Variants in GTPBP2 observed in about 807,000 individuals in gnomAD.
GTPBP2 encodes GTP binding protein 2, also known as GTP-binding protein 2.
In GTPBP2, 32 loss-of-function variants were observed where a neutral mutation model predicts 63.0. The ratio of observed to expected loss-of-function variants is 0.51; its 90% CI spans 0.38 to 0.68. The LOEUF (loss-of-function observed/expected upper bound fraction) is 0.68. Among genes scored for constraint, GTPBP2 ranks in the 30% least tolerant of loss-of-function variants. The probability of loss-of-function intolerance (pLI) is 0.00; values close to 1 mark genes in which losing one functional copy is unlikely to be tolerated. For synonymous variants in GTPBP2, 310 were observed against 322.6 expected, an observed-to-expected ratio of 0.96 and a Z score of 0.42; for missense variants, 492 against 796.9, an observed-to-expected ratio of 0.62 and a Z score of 4.61.
Position 43,622,249 on chromosome 6 carries a change from A to G in GTPBP2, c.1468-82T>C. 6.7e-6 allele frequency: 8 copies of G among 1,186,254 alleles called. No homozygotes were observed. The South Asian group carries it at 1.1e-4, about 17-fold the overall frequency. 73.5% of individuals were successfully genotyped at this position (1,186,254 alleles called of 1,614,324 possible). A position where few individuals can be genotyped will look rare whatever the true frequency, so the allele number is the denominator to read the frequency against. Reference sequence around the variant, plus strand: ...TCCCCAGCCACCCCACACCCTTTATAGCTCCTGAATTTCCTCTTCCTCTAC... The same window carrying G: ...TCCCCAGCCACCCCACACCCTTTATGGCTCCTGAATTTCCTCTTCCTCTAC... On this transcript the variant is annotated intron_variant, in intron 10 of 11. Coordinates refer to ENST00000307126, the MANE Select transcript of GTPBP2 (RefSeq NM_019096.5). The surrounding 1 kb of genome is among the most constrained non-coding windows in gnomAD (Gnocchi z 5.4).
Position 43,625,268 on chromosome 6 carries a change from A to G in GTPBP2, c.705+95T>C. ...CAGGGCATTCATCTATACTATTTCAAAAAGTCTCCACACTCTACCCCCATC... is the reference window on the plus strand; with the variant it reads ...CAGGGCATTCATCTATACTATTTCAGAAAGTCTCCACACTCTACCCCCATC... On this transcript the variant is annotated intron_variant, in intron 5 of 11. Coordinates refer to ENST00000307126, the MANE Select transcript of GTPBP2 (RefSeq NM_019096.5). The surrounding 1 kb of genome is among the most constrained non-coding windows in gnomAD (Gnocchi z 5.1). 1 of 1,254,002 alleles carries G rather than the reference A, an allele frequency of 8.0e-7. No individual in the cohort carries two copies. The highest frequency in any genetic ancestry group is 1.3e-5 in the South Asian group (1 of 79,408). 77.7% of individuals were successfully genotyped at this position (1,254,002 alleles called of 1,614,324 possible).
Position 43,626,488 on chromosome 6 carries a change from G to C in GTPBP2, c.214-78C>G, listed in dbSNP as rs1769352262. The stretch of plus-strand genomic sequence containing the variant: ...CTACATGGTCCCCACCTGTTCTGCT[G>C]CAAGGACCAGGACTTTCTCTTTCCA... On this transcript the variant is annotated intron_variant, in intron 2 of 11. Coordinates refer to ENST00000307126, the MANE Select transcript of GTPBP2 (RefSeq NM_019096.5). This position sits in a 1 kb window ranked among gnomAD's most constrained non-coding sequence, Gnocchi z 4.0. 1.8e-6 allele frequency: 2 copies of C among 1,140,770 alleles called. No individual in the cohort carries two copies. The highest frequency in any genetic ancestry group is 1.9e-5 in the Admixed American group (1 of 51,904). The allele number at this position is 1,140,770 out of a possible 1,614,324, so 70.7% of individuals were successfully genotyped here.
intron 9 of GTPBP2, 102 bp downstream of exon 9, chr6:43,623,632 TTAA>T (rs1769009129): frequency 2.4e-6 from 2 of 847,196 alleles, no homozygotes; most frequent in African/African-American, 3.3e-5. Context: ...AGCATGTCCT[TTAA>T]ATGGGTTCCG....
At chr6:43,628,576 T>A in intron 1 of GTPBP2, 1 of 958,206 alleles carries the variant, frequency 1.0e-6, no homozygotes, top group Non-Finnish European at 1.2e-6. Context: ...TTTTCCCGGG[T>A]ACTCCCCTTC....
In GTPBP2 at chr6:43,629,039, T is replaced by C; in HGVS notation, c.124A>G (p.Lys42Glu). 6.2e-7 allele frequency: 1 copy of C among 1,612,874 alleles called. No homozygotes were observed. Among genetic ancestry groups the C allele is most frequent in the Non-Finnish European group, 8.5e-7 (1 of 1,179,546 alleles). ...CCTCTGTTCCTTCCGTTCTTCTTCT[T>C]TCCCTTTGGCCCCCCGCAGCCGCTG... The part of the protein sequence containing the change: ...SSSGCGGPKG[K>E]KKNGRNRGGK... Residue 42 changes from lysine (K) to glutamate (E), a missense_variant, in exon 1 of 12, where the codon AAG becomes GAG. Transcript: ENST00000307126.
At position 43,628,992 on chromosome 6, in the gene GTPBP2, C is replaced by T. The variant is rs769413081; in HGVS notation, c.171G>A (p.Pro57=). 3.9e-5 allele frequency: 63 copies of T among 1,613,742 alleles called. 1 individual carries two copies. In the South Asian group the frequency reaches 6.8e-4, roughly 17 times the overall value. ...AGGTGCTCACCTCGGGGGGCAAATA[C>T]GGGGGGTTGTTGGCTTTGCCCCCTC... is the stretch of plus-strand genomic sequence containing the variant. The part of the protein sequence containing the change: ...RNRGGKANNP[P]YLPPEAEDGN... Residue 57 remains proline (P), a synonymous_variant, in exon 1 of 12, where the codon CCG becomes CCA. Coordinates refer to ENST00000307126, the MANE Select transcript of GTPBP2 (RefSeq NM_019096.5).
rs911928113 is a variant in GTPBP2, at chr6:43,627,226, G to A, written c.187-278C>T. 4 of 1,026,888 alleles carry A rather than the reference G, an allele frequency of 3.9e-6. No homozygotes were observed. The South Asian group carries it at 1.3e-4, about 33-fold the overall frequency. The allele number at this position is 1,026,888 out of a possible 1,614,324, so 63.6% of individuals were successfully genotyped here. ...TCCATTCTTTGATCACTGGCAGCAC[G>A]TTCTTCCTAGATGCAAGATCATCCC... On this transcript the variant is annotated intron_variant, in intron 1 of 11. Coordinates refer to ENST00000307126, the MANE Select transcript of GTPBP2 (RefSeq NM_019096.5).
At position 43,622,504 on chromosome 6, in the gene GTPBP2, A is replaced by G; in HGVS notation, c.1467+129T>C. ...TTATAGTCTACGTAGCTAGACCAGAAGCTTCTTGGGTCAGAGAGTGTGTTT... is the reference window on the plus strand; with the variant it reads ...TTATAGTCTACGTAGCTAGACCAGAGGCTTCTTGGGTCAGAGAGTGTGTTT... On this transcript the variant is annotated intron_variant, in intron 10 of 11. Transcript: ENST00000307126. This position sits in a 1 kb window ranked among gnomAD's most constrained non-coding sequence, Gnocchi z 5.4. 3 of 881,366 alleles carry G rather than the reference A, an allele frequency of 3.4e-6. No homozygotes were observed. The highest frequency in any genetic ancestry group is 5.4e-6 in the Non-Finnish European group (3 of 559,470). 54.6% of individuals were successfully genotyped at this position (881,366 alleles called of 1,614,324 possible). A position where few individuals can be genotyped will look rare whatever the true frequency, so the allele number is the denominator to read the frequency against.
chr6:43,630,176 A>T (rs537863647), upstream of GTPBP2, among the ~76,000 whole-genome samples: 2 of 152,248 alleles, frequency 1.3e-5, no homozygotes, highest in African/African-American at 4.8e-5. Context: ...GCCTAGGGCC[A>T]CAGGGGATTT....
In GTPBP2 at chr6:43,625,678, C is replaced by CCAGGCCAGGAGA; in HGVS notation, c.507+66_507+77dup. ...TGATGAACTGGAAGCCCCCAGGATC[C>CCAGGCCAGGAGA]CAGGCCAGGAGACAGCCTGCCACCA... On this transcript the variant is annotated intron_variant, in intron 4 of 11. Coordinates refer to ENST00000307126, the MANE Select transcript of GTPBP2 (RefSeq NM_019096.5). The surrounding 1 kb of genome is among the most constrained non-coding windows in gnomAD (Gnocchi z 5.1). 7.0e-7 allele frequency: 1 copy of CCAGGCCAGGAGA among 1,428,906 alleles called. No individual in the cohort carries two copies. Among genetic ancestry groups the CCAGGCCAGGAGA allele is most frequent in the Non-Finnish European group, 9.9e-7 (1 of 1,011,572 alleles). 88.5% of individuals were successfully genotyped at this position (1,428,906 alleles called of 1,614,324 possible).
intron 1 of GTPBP2, chr6:43,627,414 G>C (rs1369192261): frequency 4.6e-6 from 4 of 861,224 alleles, no homozygotes; most frequent in Non-Finnish European, 5.6e-6. Flanking sequence ...GGCTGCAAGA[G>C]GTTCTGGATC....
rs1769226146 is a variant in GTPBP2 at position 43,625,459 on chromosome 6, C to T, written c.609G>A (p.Arg203=). The change falls in exon 5 of 12, where the codon CGG becomes CGA. Residue 203 remains arginine, a synonymous_variant. Coordinates refer to ENST00000307126, the MANE Select transcript of GTPBP2 (RefSeq NM_019096.5). This position sits in a 1 kb window ranked among gnomAD's most constrained non-coding sequence, Gnocchi z 5.1. ...TQGELDNGRG[R]ARLNLFRHLH... ...GGTGGCGGAAAAGGTTGAGCCGAGC[C>T]CGGCCCCGCCCATTGTCCAGCTCTC... 3 of 1,613,932 alleles carry T rather than the reference C, an allele frequency of 1.9e-6. No individual in the cohort carries two copies. Among genetic ancestry groups the T allele is most frequent in the Non-Finnish European group, 2.5e-6 (3 of 1,179,990 alleles).
rs1184025791 is a variant in GTPBP2, at chr6:43,621,483, A to G, written c.*131T>C. The G allele has an allele frequency of 6.4e-7, 1 of 1,556,104 alleles. No individual in the cohort carries two copies. The highest frequency in any genetic ancestry group is 1.2e-5 in the South Asian group (1 of 84,444). On this transcript the variant is annotated 3_prime_UTR_variant, in exon 12 of 12. Transcript: ENST00000307126. ...GCACCTCTCCAGAAAGTTGGCAGGG[A>G]GCAAGTGGCAGACAGCACCCCTCTC... is the stretch of plus-strand genomic sequence containing the variant.
chr6:43,627,067 G>A, intron 1 of GTPBP2, 119 bp from the exon 2 acceptor site: 1 of 893,186 alleles, frequency 1.1e-6, no homozygotes, highest in Non-Finnish European at 1.7e-6. Flanking sequence ...CTGGCACTTG[G>A]TTAGGCAAGT....
Position 43,626,964 on chromosome 6 carries a change from GAGC to G in GTPBP2, c.187-19_187-17del, listed in dbSNP as rs1417719900. ...CATCTTCAGCCTGAAAAGAAACAGT[GAGC>G]AGTTACCATACACTGTACAGACCCA... On this transcript the variant is annotated splice_polypyrimidine_tract_variant and intron_variant, in intron 1 of 11. Transcript: ENST00000307126. The surrounding 1 kb of genome is among the most constrained non-coding windows in gnomAD (Gnocchi z 4.0). 1 of 1,609,088 alleles carries G rather than the reference GAGC, an allele frequency of 6.2e-7. No homozygotes were observed. The highest frequency in any genetic ancestry group is 2.2e-5 in the East Asian group (1 of 44,848).
Position 43,625,665 on chromosome 6 carries a change from A to C in GTPBP2, c.507+91T>G, listed in dbSNP as rs1171433609. 7.1e-7 allele frequency: 1 copy of C among 1,400,646 alleles called. No homozygotes were observed. Among genetic ancestry groups the C allele is most frequent in the African/African-American group, 1.4e-5 (1 of 70,618 alleles). 86.8% of individuals were successfully genotyped at this position (1,400,646 alleles called of 1,614,324 possible). Reference sequence around the variant, plus strand: ...CCTAGGGAGCAAGTGATGAACTGGAAGCCCCCAGGATCCCAGGCCAGGAGA... The same window carrying C: ...CCTAGGGAGCAAGTGATGAACTGGACGCCCCCAGGATCCCAGGCCAGGAGA... On this transcript the variant is annotated intron_variant, in intron 4 of 11. Transcript: ENST00000307126. The surrounding 1 kb of genome is among the most constrained non-coding windows in gnomAD (Gnocchi z 5.1).
Position 43,625,262 on chromosome 6 carries a change from A to G in GTPBP2, c.705+101T>C, listed in dbSNP as rs1425549282. ...TCCCCTCAGGGCATTCATCTATACT[A>G]TTTCAAAAAGTCTCCACACTCTACC... is the stretch of plus-strand genomic sequence containing the variant. On this transcript the variant is annotated intron_variant, in intron 5 of 11. Coordinates refer to ENST00000307126, the MANE Select transcript of GTPBP2 (RefSeq NM_019096.5). The surrounding 1 kb of genome is among the most constrained non-coding windows in gnomAD (Gnocchi z 5.1). 25 of 1,182,494 alleles carry G rather than the reference A, an allele frequency of 2.1e-5. No individual in the cohort carries two copies. Among genetic ancestry groups the G allele is most frequent in the South Asian group, 3.9e-5 (3 of 77,220 alleles). 73.3% of individuals were successfully genotyped at this position (1,182,494 alleles called of 1,614,324 possible).
chr6:43,629,940 G>A (rs1046610679), upstream of GTPBP2, among the ~76,000 whole-genome samples: 4 of 152,236 alleles, frequency 2.6e-5, no homozygotes, highest in East Asian at 1.9e-4. Flanking sequence ...GCCCCGACAC[G>A]AGACCCGAAC....
In GTPBP2 at chr6:43,625,758, G is replaced by A; in HGVS notation, c.505C>T (p.Gln169Ter). ...GACAGGGATGGGTGTGTGCTCACCT[G>A]TTGGTTGTCAGGGACCTTTCGTACT... ...VLVRKVPDNQ[Q>*]FLDLRVAVLG... Residue 169 changes from glutamine (Q) to a stop codon, truncating the protein, a stop_gained and splice_region_variant, in exon 4 of 12, where the codon CAG becomes TAG. Coordinates refer to ENST00000307126, the MANE Select transcript of GTPBP2 (RefSeq NM_019096.5). LOFTEE classifies it high-confidence loss of function. This position sits in a 1 kb window ranked among gnomAD's most constrained non-coding sequence, Gnocchi z 5.1. 6.2e-7 allele frequency: 1 copy of A among 1,607,052 alleles called. No homozygotes were observed. The highest frequency in any genetic ancestry group is 1.3e-5 in the African/African-American group (1 of 74,886).
Sources: gnomAD v4.1 joint callset for allele counts (sites outside exome capture counted in the v4.1 genomes callset) on GRCh38, gnomAD v4.1.1 for gene constraint, Gnocchi (gnomAD v3.1) non-coding constraint, MANE v1.5 for transcripts, NCBI Gene and HGNC (gene_info 2026-07-23, HGNC 2026-07-21) for gene names.